Variants in UBE2R2 observed in about 807,000 individuals in gnomAD.
UBE2R2 encodes the protein ubiquitin-conjugating enzyme E2 R2.
A neutral mutation model predicts 27.8 loss-of-function variants in UBE2R2; 1 was observed. The observed-to-expected ratio is 0.04, with a 90% CI of 0.01 to 0.17. The LOEUF (loss-of-function observed/expected upper bound fraction) is 0.17. Among genes scored for constraint, UBE2R2 ranks in the 10% least tolerant of loss-of-function variants. The probability of loss-of-function intolerance (pLI) is 1.00; values close to 1 mark genes in which losing one functional copy is unlikely to be tolerated. For synonymous variants in UBE2R2, 106 were observed against 113.3 expected (o/e 0.94, Z 0.41); for missense variants, 100 against 291.0 (o/e 0.34, Z 4.78).
chr9:33,859,032 G>C (rs1222546315), intron 1 of UBE2R2, among the ~76,000 whole-genome samples: 1 of 151,506 alleles, frequency 6.6e-6, no homozygotes, highest in Non-Finnish European at 1.5e-5. Flanking sequence ...CACCATGTTG[G>C]CCAGGCTGGT....
At chr9:33,852,180 A>T (rs554466824) in intron 1 of UBE2R2, among the ~76,000 whole-genome samples, 2 of 152,262 alleles carry the variant, frequency 1.3e-5, no homozygotes, top group South Asian at 4.1e-4. Flanking sequence ...GTGGGGTGGC[A>T]TGTGCCTATA....
chr9:33,900,817 C>G (rs1223967979), intron 3 of UBE2R2, among the ~76,000 whole-genome samples: 2 of 152,202 alleles, frequency 1.3e-5, no homozygotes, highest in Non-Finnish European at 2.9e-5. Context: ...GTCCTCCCCA[C>G]TTGGCCTCCC....
At position 33,918,804 on chromosome 9, in the gene UBE2R2, G is replaced by A. The variant is rs1822722270; in HGVS notation, c.*1567G>A. 1 of 152,662 alleles carries A rather than the reference G, an allele frequency of 6.6e-6. No homozygotes were observed. The highest frequency in any genetic ancestry group is 1.5e-5 in the Non-Finnish European group (1 of 68,082). The allele number at this position is 152,662 out of a possible 1,614,324, so 9.5% of individuals were successfully genotyped here. A position where few individuals can be genotyped will look rare whatever the true frequency, so the allele number is the denominator to read the frequency against. On this transcript the variant is annotated 3_prime_UTR_variant, in exon 5 of 5. Coordinates refer to ENST00000263228, the MANE Select transcript of UBE2R2 (RefSeq NM_017811.4). ...GGCTCGTAACTCAGAAAGAACCAAA[G>A]GGCAGATTAGGGACGGGGCAGGAGG...
rs149038372 is a variant in UBE2R2, at chr9:33,850,456, A to G, written c.177+32522A>G. 5.5e-4 allele frequency among the ~76,000 whole-genome samples: 83 copies of G among 152,190 alleles called. 1 individual carries two copies. Among genetic ancestry groups the G allele is most frequent in the African/African-American group, 1.7e-3 (69 of 41,526 alleles). On this transcript the variant is annotated intron_variant, in intron 1 of 4. Coordinates refer to ENST00000263228, the MANE Select transcript of UBE2R2 (RefSeq NM_017811.4). ...TTCTTCATTCCATGATACTAGATCT[A>G]CTATTCCCTGATAAATCAGCTGAAC...
At chr9:33,835,928 ACAG>A (rs1820604767) in intron 1 of UBE2R2, among the ~76,000 whole-genome samples, 1 of 152,200 alleles carries the variant, frequency 6.6e-6, no homozygotes, top group South Asian at 2.1e-4. Context: ...TTATTTTTGT[ACAG>A]CTGTATAGTG....
chr9:33,885,400 G>A (rs1206111756), intron 1 of UBE2R2, among the ~76,000 whole-genome samples: 4 of 152,148 alleles, frequency 2.6e-5, no homozygotes, highest in African/African-American at 9.7e-5. Flanking sequence ...AGATTAAATA[G>A]TTGCCTGCCA....
intron 4 of UBE2R2, among the ~76,000 whole-genome samples, chr9:33,915,560 T>C (rs10971789): frequency 0.2 from 29,969 of 152,040 alleles, 3,806 homozygotes; most frequent in East Asian, 0.59. Context: ...CAAGCACAAC[T>C]AAGAGATTGA....
chr9:33,835,232 C>T (rs1820591796), intron 1 of UBE2R2, among the ~76,000 whole-genome samples: 1 of 148,032 alleles, frequency 6.8e-6, no homozygotes, highest in Admixed American at 6.8e-5. Flanking sequence ...ACTGCAACCT[C>T]TGTCTCCAGG....
intron 2 of UBE2R2, among the ~76,000 whole-genome samples, chr9:33,892,227 T>C (rs1475804879): frequency 6.6e-6 from 1 of 152,180 alleles, no homozygotes; most frequent in East Asian, 1.9e-4. Context: ...TATATGTTAC[T>C]GGTTACATTC....
At chr9:33,904,533 T>G (rs1480773163) in intron 3 of UBE2R2, among the ~76,000 whole-genome samples, 1 of 152,204 alleles carries the variant, frequency 6.6e-6, no homozygotes, top group African/African-American at 2.4e-5. Context: ...AATGGACATA[T>G]TTATAACATA....
intron 4 of UBE2R2, among the ~76,000 whole-genome samples, chr9:33,915,434 G>A (rs1313135313): frequency 6.6e-6 from 1 of 152,156 alleles, no homozygotes; most frequent in Non-Finnish European, 1.5e-5. Context: ...GGGAGTGGTG[G>A]TTAAAATTAT....
At chr9:33,906,375 G>A (rs1044228003) in intron 3 of UBE2R2, among the ~76,000 whole-genome samples, 1 of 152,078 alleles carries the variant, frequency 6.6e-6, no homozygotes, top group African/African-American at 2.4e-5. Context: ...GCCCACCTCG[G>A]CCTCCCAAAG....
At chr9:33,841,784 T>G (rs1820738258) in intron 1 of UBE2R2, among the ~76,000 whole-genome samples, 1 of 152,206 alleles carries the variant, frequency 6.6e-6, no homozygotes, top group Non-Finnish European at 1.5e-5. Context: ...TAGAATATCC[T>G]CATTATTAAT....
intron 1 of UBE2R2, among the ~76,000 whole-genome samples, chr9:33,873,174 TA>T (rs540364601): frequency 0.46 from 49,774 of 108,592 alleles, 10,601 homozygotes; most frequent in South Asian, 0.54. Flanking sequence ...GACTCCGTCT[TA>T]AAAAAAAAAA....
intron 1 of UBE2R2, among the ~76,000 whole-genome samples, chr9:33,822,190 C>A (rs1018087678): frequency 3.3e-5 from 5 of 150,920 alleles, no homozygotes; most frequent in Non-Finnish European, 7.4e-5. Context: ...CTCCTGGGTT[C>A]AAGCGATTCT....
intron 1 of UBE2R2, among the ~76,000 whole-genome samples, chr9:33,826,162 AT>A (rs1359550002): frequency 1.3e-5 from 2 of 151,828 alleles, no homozygotes; most frequent in African/African-American, 4.8e-5. Context: ...AAAAAAAAAA[AT>A]CCTACAGAGA....
chr9:33,899,247 G>T (rs1822191913), intron 2 of UBE2R2, among the ~76,000 whole-genome samples: 1 of 151,726 alleles, frequency 6.6e-6, no homozygotes, highest in Non-Finnish European at 1.5e-5. Flanking sequence ...TCATTGTGTT[G>T]CCCAGGCCGG....
chr9:33,907,074 T>A (rs193030421), intron 3 of UBE2R2, among the ~76,000 whole-genome samples: 10 of 152,366 alleles, frequency 6.6e-5, no homozygotes, highest in African/African-American at 2.4e-4. Context: ...ACTTCACAGC[T>A]TGATTTGCTG....
At chr9:33,852,405 G>A (rs1004639321) in intron 1 of UBE2R2, among the ~76,000 whole-genome samples, 3 of 152,154 alleles carry the variant, frequency 2.0e-5, no homozygotes, top group Non-Finnish European at 4.4e-5. Flanking sequence ...TCCTAGCTGT[G>A]GTTTGCTGCC....
Sources: gnomAD v4.1 joint callset for allele counts (sites outside exome capture counted in the v4.1 genomes callset) on GRCh38, gnomAD v4.1.1 for gene constraint, MANE v1.5 for transcripts, NCBI Gene and HGNC (gene_info 2026-07-23, HGNC 2026-07-21) for gene names.